Variants in PIWIL3 observed in about 807,000 individuals in gnomAD.
The protein encoded by PIWIL3 is piwi-like protein 3.
PIWIL3 carries 101 observed loss-of-function variants against 109.7 expected under a neutral mutation model. The ratio of observed to expected loss-of-function variants is 0.92; its 90% CI spans 0.78 to 1.09. The LOEUF (loss-of-function observed/expected upper bound fraction) is 1.09, where lower values mean the gene tolerates loss of function less well. Among genes scored for constraint, PIWIL3 ranks in the 50% least tolerant of loss-of-function variants. PIWIL3 has a pLI of 0.00. For missense variants in PIWIL3, 1,031 were observed against 1,072.6 expected, an observed-to-expected ratio of 0.96 and a Z score of 0.54; for synonymous variants, 373 against 376.4, an observed-to-expected ratio of 0.99 and a Z score of 0.10.
At chr22:24,766,081 G>C (rs148937270) in intron 1 of PIWIL3, among the ~76,000 whole-genome samples, 60 of 151,086 alleles carry the variant, frequency 4.0e-4, no homozygotes, top group African/African-American at 1.5e-3. Flanking sequence ...AGCCTCCTGG[G>C]TTCAAGAAAT....
chr22:24,757,079 C>CAAAAAAAAAA (rs71189275), intron 4 of PIWIL3, among the ~76,000 whole-genome samples: 73 of 91,668 alleles, frequency 8.0e-4, no homozygotes, highest in African/African-American at 1.3e-3. Context: ...AACTCCGTCT[C>CAAAAAAAAAA]AAAAAAAAAA....
intron 19 of PIWIL3, among the ~76,000 whole-genome samples, chr22:24,720,179 T>C (rs182948285): frequency 7.3e-5 from 11 of 151,426 alleles, no homozygotes; most frequent in African/African-American, 2.2e-4. Flanking sequence ...TGATCTGATA[T>C]GGCCATAGAT....
chr22:24,744,787 G>A (rs1281909856), intron 12 of PIWIL3, among the ~76,000 whole-genome samples: 5 of 152,088 alleles, frequency 3.3e-5, no homozygotes, highest in African/African-American at 7.2e-5. Flanking sequence ...TCCCCAATAC[G>A]ATAATAGCTG....
intron 19 of PIWIL3, among the ~76,000 whole-genome samples, chr22:24,722,827 A>C (rs1419330567): frequency 1.3e-5 from 2 of 152,192 alleles, no homozygotes; most frequent in African/African-American, 4.8e-5. Flanking sequence ...TGTCAATATA[A>C]ACATCATTTG....
At chr22:24,743,110 GC>G (rs1421297426) in intron 12 of PIWIL3, among the ~76,000 whole-genome samples, 1 of 151,982 alleles carries the variant, frequency 6.6e-6, no homozygotes, top group Non-Finnish European at 1.5e-5. Flanking sequence ...TATACAAATG[GC>G]CAACATGAAA....
At chr22:24,771,900 T>C in intron 1 of PIWIL3, among the ~76,000 whole-genome samples, 1 of 152,184 alleles carries the variant, frequency 6.6e-6, no homozygotes, top group African/African-American at 2.4e-5. Context: ...TTCACCATGT[T>C]GGCCAGGCTG....
In PIWIL3 at chr22:24,725,481, C is replaced by T. The variant is rs754794346; in HGVS notation, c.2044G>A (p.Glu682Lys). 6.2e-7 allele frequency: 1 copy of T among 1,614,064 alleles called. No individual in the cohort carries two copies. The highest frequency in any genetic ancestry group is 1.3e-5 in the African/African-American group (1 of 75,072). The change falls in exon 17 of 21, where the codon GAA becomes AAA. Residue 682 changes from glutamate (E) to lysine (K), a missense_variant. Coordinates refer to ENST00000616349, the MANE Select transcript of PIWIL3 (RefSeq NM_001255975.1). ...ATCTCCAGCTCTTTCACAAGCTCTT[C>T]TCCTGTTTTCTGGATGACACATTGA... Reference protein sequence around the residue: ...YSQCVIQKTGEELVKELEICL... With the variant: ...YSQCVIQKTGKELVKELEICL...
At chr22:24,745,403 C>T (rs1231441891) in intron 12 of PIWIL3, among the ~76,000 whole-genome samples, 5 of 152,196 alleles carry the variant, frequency 3.3e-5, no homozygotes, top group African/African-American at 1.2e-4. Context: ...TCAAGACCAA[C>T]CTGGCCAAGA....
At chr22:24,762,349 G>A (rs1400523973) in intron 2 of PIWIL3, 49 bp downstream of exon 2, 2 of 1,585,604 alleles carry the variant, frequency 1.3e-6, no homozygotes, top group South Asian at 1.2e-5. Flanking sequence ...GTTCTTTTCA[G>A]TACAGGCACA....
At chr22:24,773,644 CTAAAATATAT>C (rs1926253835) in intron 1 of PIWIL3, among the ~76,000 whole-genome samples, 1 of 150,258 alleles carries the variant, frequency 6.7e-6, no homozygotes, top group African/African-American at 2.5e-5. Context: ...ACATATGTAT[CTAAAATATAT>C]TAAGTTTTTA....
At chr22:24,754,394 A>G (rs778189796) in intron 7 of PIWIL3, among the ~76,000 whole-genome samples, 177 bp from the exon 8 acceptor site, 1 of 152,162 alleles carries the variant, frequency 6.6e-6, no homozygotes, top group Non-Finnish European at 1.5e-5. Flanking sequence ...TTGTTCAACT[A>G]TGTTTTGTCA....
At chr22:24,744,934 T>C (rs1313940820) in intron 12 of PIWIL3, among the ~76,000 whole-genome samples, 2 of 152,218 alleles carry the variant, frequency 1.3e-5, no homozygotes, top group African/African-American at 4.8e-5. Flanking sequence ...ACGATGAACA[T>C]TCTTTTCCTC....
Position 24,740,218 on chromosome 22 carries a change from CAAAA to C in PIWIL3, c.1450-4330_1450-4327del, listed in dbSNP as rs71189272. ...CCTGGGCAACGGAGGGAGACTGTCT[CAAAA>C]AAAAAAAAAAAATTTCTAAAAGCTC... is the stretch of plus-strand genomic sequence containing the variant. On this transcript the variant is annotated intron_variant, in intron 12 of 20. Transcript: ENST00000616349. 6.3e-5 allele frequency among the ~76,000 whole-genome samples: 4 copies of C among 63,896 alleles called. 1 individual carries two copies. Among genetic ancestry groups the C allele is most frequent in the Non-Finnish European group, 1.2e-4 (4 of 32,674 alleles). The allele number at this position is 63,896 out of a possible 152,430, so 41.9% of individuals were successfully genotyped here.
intron 18 of PIWIL3, 129 bp downstream of exon 18, chr22:24,724,758 G>A (rs1922891963): frequency 9.5e-7 from 1 of 1,057,424 alleles, no homozygotes; most frequent in African/African-American, 1.6e-5. Context: ...TTTTTGTAGA[G>A]ATTGGATCTC....
chr22:24,750,368 C>T (rs1924628167), intron 9 of PIWIL3, among the ~76,000 whole-genome samples: 1 of 152,108 alleles, frequency 6.6e-6, no homozygotes, highest in Non-Finnish European at 1.5e-5. Context: ...AAGATTAGCA[C>T]ATAACTGACA....
rs529866007 is a variant in PIWIL3, at chr22:24,727,462, A to G, written c.2009+488T>C. Among the ~76,000 whole-genome samples, 432 of 152,296 alleles carry G rather than the reference A, an allele frequency of 2.8e-3. 4 individuals are homozygous for G. Among genetic ancestry groups the G allele is most frequent in the South Asian group, 5.8e-3 (28 of 4,822 alleles). ...GGTTTGCTACATGAGAGTGATCAAG[A>G]CTGGCCTGCAGCTGACGGTCAACAA... On this transcript the variant is annotated intron_variant, in intron 16 of 20. Coordinates refer to ENST00000616349, the MANE Select transcript of PIWIL3 (RefSeq NM_001255975.1).
Position 24,727,935 on chromosome 22 carries a change from C to T in PIWIL3, c.2009+15G>A, listed in dbSNP as rs762905759. Reference sequence around the variant, plus strand: ...GTCAGCTACTAACTAAACATGTCTACCAGAGCTTACTTACTTTGTTAATTC... The same window carrying T: ...GTCAGCTACTAACTAAACATGTCTATCAGAGCTTACTTACTTTGTTAATTC... On this transcript the variant is annotated intron_variant, in intron 16 of 20. Coordinates refer to ENST00000616349, the MANE Select transcript of PIWIL3 (RefSeq NM_001255975.1). 5.7e-6 allele frequency: 9 copies of T among 1,591,256 alleles called. 2 individuals are homozygous for T. In the South Asian group the frequency reaches 1.0e-4, roughly 18 times the overall value.
At chr22:24,739,011 C>T (rs1923826651) in intron 12 of PIWIL3, among the ~76,000 whole-genome samples, 1 of 151,962 alleles carries the variant, frequency 6.6e-6, no homozygotes, top group African/African-American at 2.4e-5. Flanking sequence ...ATAAATTCTA[C>T]AAAGAGGTTG....
chr22:24,724,496 G>A (rs1424293943), intron 18 of PIWIL3, among the ~76,000 whole-genome samples: 7 of 150,848 alleles, frequency 4.6e-5, no homozygotes, highest in African/African-American at 7.3e-5. Flanking sequence ...ATGCAATGGC[G>A]CGATCTCGGC....
Sources: allele counts gnomAD v4.1 joint callset (sites outside exome capture counted in the v4.1 genomes callset), GRCh38; gene constraint gnomAD v4.1.1; transcripts MANE v1.5; gene names NCBI Gene and HGNC (gene_info 2026-07-23, HGNC 2026-07-21).